IQCH: variants seen among roughly 807,000 people sequenced by gnomAD.
IQCH encodes IQ domain-containing protein H.
A neutral mutation model predicts 117.0 loss-of-function variants in IQCH; 98 were observed. The ratio of observed to expected loss-of-function variants is 0.84; its 90% CI spans 0.71 to 0.99. IQCH has a LOEUF of 0.99. Ranked by LOEUF, IQCH falls within the 50% of genes least tolerant of loss-of-function variation. The probability of loss-of-function intolerance (pLI) is 0.00; values close to 1 mark genes in which losing one functional copy is unlikely to be tolerated. For synonymous variants in IQCH, 412 were observed against 448.2 expected (o/e 0.92, Z 1.02); for missense variants, 1,102 against 1,243.8 (o/e 0.89, Z 1.72).
In IQCH at chr15:67,395,022, C is replaced by T. The variant is rs1300948970; in HGVS notation, c.1633-269C>T. ...GGCCGCCAGCCTCTTTTCCTTCTGA[C>T]AGAAGGATAATTCCACGTGGATCAA... On this transcript the variant is annotated intron_variant, in intron 12 of 20. Coordinates refer to ENST00000335894, the MANE Select transcript of IQCH (RefSeq NM_001031715.3). This position sits in a 1 kb window ranked among gnomAD's most constrained non-coding sequence, Gnocchi z 4.0. Among the ~76,000 whole-genome samples, 1 of 152,098 alleles carries T rather than the reference C, an allele frequency of 6.6e-6. No individual in the cohort carries two copies. The highest frequency in any genetic ancestry group is 2.4e-5 in the African/African-American group (1 of 41,416).
rs533603845 is a variant in IQCH at position 67,386,664 on chromosome 15, T to C, written c.1456+1645T>C. On this transcript the variant is annotated intron_variant, in intron 11 of 20. Transcript: ENST00000335894. This position sits in a 1 kb window ranked among gnomAD's most constrained non-coding sequence, Gnocchi z 5.0. ...ACTGGTAAGGCTTGTCACTAGATAT[T>C]GGCTGTGAATTCATGGTTCTCAGGT... Among the ~76,000 whole-genome samples, 22 of 152,272 alleles carry C rather than the reference T, an allele frequency of 1.4e-4. No individual in the cohort carries two copies. The highest frequency in any genetic ancestry group is 5.3e-4 in the African/African-American group (22 of 41,562).
At position 67,476,710 on chromosome 15, in the gene IQCH, CAT is replaced by C. The variant is rs539255590; in HGVS notation, c.2799+893_2799+894del. Among the ~76,000 whole-genome samples the C allele has an allele frequency of 1.0e-3, 157 of 152,270 alleles. 1 individual carries two copies. Among genetic ancestry groups the C allele is most frequent in the African/African-American group, 3.7e-3 (154 of 41,552 alleles). On this transcript the variant is annotated intron_variant, in intron 18 of 20. Coordinates refer to ENST00000335894, the MANE Select transcript of IQCH (RefSeq NM_001031715.3). This position sits in a 1 kb window ranked among gnomAD's most constrained non-coding sequence, Gnocchi z 4.1. ...AACCTCTGTTTTATGCCTAGAGACT[CAT>C]GTTACTCCAGAAAAATAGTTTCATG...
rs542685294 is a variant in IQCH at position 67,453,728 on chromosome 15, G to A, written c.2506-11399G>A. On this transcript the variant is annotated intron_variant, in intron 16 of 20. Transcript: ENST00000335894. This position sits in a 1 kb window ranked among gnomAD's most constrained non-coding sequence, Gnocchi z 5.8. ...TCTCAGATCTCAAGCTGCATGCTGG[G>A]AGAACCACTACTCTTCAAAGCTGTC... 6.6e-5 allele frequency among the ~76,000 whole-genome samples: 10 copies of A among 152,312 alleles called. No homozygotes were observed. The East Asian group carries it at 1.7e-3, about 27-fold the overall frequency.
intron 18 of IQCH, among the ~76,000 whole-genome samples, chr15:67,480,035 TGAAAGCCATATGGA>T (rs1450964948): frequency 6.6e-6 from 1 of 152,192 alleles, no homozygotes; most frequent in Non-Finnish European, 1.5e-5. Flanking sequence ...GAAGTTGTAA[TGAAAGCCATATGGA>T]GAAAGGCGTC....
rs1969891153 is a variant in IQCH, at chr15:67,356,426, T to C, written c.638-919T>C. Among the ~76,000 whole-genome samples, 1 of 152,202 alleles carries C rather than the reference T, an allele frequency of 6.6e-6. No homozygotes were observed. Among genetic ancestry groups the C allele is most frequent in the African/African-American group, 2.4e-5 (1 of 41,450 alleles). On this transcript the variant is annotated intron_variant, in intron 6 of 20. Transcript: ENST00000335894. This position sits in a 1 kb window ranked among gnomAD's most constrained non-coding sequence, Gnocchi z 5.3. ...ACTCTTTAAAAAAGAGCTGAAGATA[T>C]TCCTTGCAGCTCAGTTGAGGCAATC...
At chr15:67,272,937 A>G (rs1965963493) in intron 3 of IQCH, among the ~76,000 whole-genome samples, 1 of 152,088 alleles carries the variant, frequency 6.6e-6, no homozygotes, top group Non-Finnish European at 1.5e-5. Flanking sequence ...CTGAGTAAAG[A>G]CTTACCATTT....
chr15:67,347,652 A>G (rs1231001281), intron 6 of IQCH, among the ~76,000 whole-genome samples: 1 of 151,542 alleles, frequency 6.6e-6, no homozygotes, highest in Non-Finnish European at 1.5e-5. Context: ...GAATAGAAAG[A>G]AACACTTCCC....
intron 4 of IQCH, among the ~76,000 whole-genome samples, chr15:67,284,392 T>C (rs1339463559): frequency 6.6e-6 from 1 of 152,212 alleles, no homozygotes; most frequent in Non-Finnish European, 1.5e-5. Flanking sequence ...CTTTTGTGGC[T>C]GAATAGTACT....
chr15:67,455,061 A>G (rs2082628033), intron 16 of IQCH, among the ~76,000 whole-genome samples: 1 of 152,182 alleles, frequency 6.6e-6, no homozygotes, highest in Non-Finnish European at 1.5e-5. Context: ...ATCTTTGCCA[A>G]CACTTGTTAT....
Position 67,475,629 on chromosome 15 carries a change from C to A in IQCH, c.2677-67C>A. 6.9e-7 allele frequency: 1 copy of A among 1,452,946 alleles called. No homozygotes were observed. The highest frequency in any genetic ancestry group is 9.5e-7 in the Non-Finnish European group (1 of 1,052,676). 90.0% of individuals were successfully genotyped at this position (1,452,946 alleles called of 1,614,324 possible). On this transcript the variant is annotated intron_variant, in intron 17 of 20. Coordinates refer to ENST00000335894, the MANE Select transcript of IQCH (RefSeq NM_001031715.3). The surrounding 1 kb of genome is among the most constrained non-coding windows in gnomAD (Gnocchi z 5.7). Reference sequence around the variant, plus strand: ...TTATCTTCGCAATTTTCCTGTTAATCTCAAGTATTCCAAAATTACAAGTTT... The same window carrying A: ...TTATCTTCGCAATTTTCCTGTTAATATCAAGTATTCCAAAATTACAAGTTT...
intron 18 of IQCH, among the ~76,000 whole-genome samples, chr15:67,482,398 GT>G (rs901837675): frequency 6.6e-6 from 1 of 151,832 alleles, no homozygotes; most frequent in African/African-American, 2.4e-5. Flanking sequence ...AGATAATTTT[GT>G]TTTTTTTCTT....
intron 16 of IQCH, among the ~76,000 whole-genome samples, chr15:67,442,867 T>G (rs12916374): frequency 0.027 from 3,094 of 114,084 alleles, 46 homozygotes; most frequent in East Asian, 0.055. Context: ...TAGATAGATA[T>G]ACATATATAT....
In IQCH at chr15:67,254,935, C is replaced by T; in HGVS notation, c.39C>T (p.Ser13=). The change falls in exon 1 of 21, where the codon TCC becomes TCT. Residue 13 remains serine, a synonymous_variant. Coordinates refer to ENST00000335894, the MANE Select transcript of IQCH (RefSeq NM_001031715.3). Reference sequence around the variant, plus strand: ...CTGAAAACCACGACCCTGTCGGATCCATCTTAATCCAGGTGGGAAACGGGC... The same window carrying T: ...CTGAAAACCACGACCCTGTCGGATCTATCTTAATCCAGGTGGGAAACGGGC... The part of the protein sequence containing the change: ...QNTENHDPVG[S]ILIQIHEDLY... 2 of 1,613,708 alleles carry T rather than the reference C, an allele frequency of 1.2e-6. No individual in the cohort carries two copies. The highest frequency in any genetic ancestry group is 1.7e-4 in the Middle Eastern group (1 of 6,060).
chr15:67,269,948 G>C (rs1466445257), intron 3 of IQCH, among the ~76,000 whole-genome samples: 1 of 152,104 alleles, frequency 6.6e-6, no homozygotes, highest in Non-Finnish European at 1.5e-5. Flanking sequence ...GTAAACATGG[G>C]ACTGGAAATC....
At chr15:67,288,825 A>G (rs192007591) in intron 4 of IQCH, among the ~76,000 whole-genome samples, 1 of 152,260 alleles carries the variant, frequency 6.6e-6, no homozygotes, top group East Asian at 1.9e-4. Flanking sequence ...GGAGATAGAC[A>G]AATAAACATC....
intron 14 of IQCH, among the ~76,000 whole-genome samples, chr15:67,410,598 T>C (rs987970536): frequency 6.6e-6 from 1 of 152,230 alleles, no homozygotes; most frequent in Non-Finnish European, 1.5e-5. Context: ...CCTGAACCAA[T>C]CACTGTAGCC....
chr15:67,360,380 T>C (rs997144483), intron 8 of IQCH, among the ~76,000 whole-genome samples: 33 of 152,202 alleles, frequency 2.2e-4, no homozygotes, highest in Admixed American at 9.8e-4. Flanking sequence ...TATAAAAACA[T>C]TGGAAAAATG....
chr15:67,357,859 T>C lies in IQCH; in HGVS notation c.714+438T>C, dbSNP rs751468341. ...GGAAAGAATTCTGTATTATCATTAT[T>C]ATTATTATTATTTCAAGACAGAGTC... is the stretch of plus-strand genomic sequence containing the variant. On this transcript the variant is annotated intron_variant, in intron 7 of 20. Coordinates refer to ENST00000335894, the MANE Select transcript of IQCH (RefSeq NM_001031715.3). Among the ~76,000 whole-genome samples, 332 of 152,140 alleles carry C rather than the reference T, an allele frequency of 2.2e-3. 1 individual carries two copies. The highest frequency in any genetic ancestry group is 7.3e-3 in the Admixed American group (112 of 15,290).
chr15:67,259,260 T>G (rs1421299344), intron 1 of IQCH, among the ~76,000 whole-genome samples: 2 of 152,238 alleles, frequency 1.3e-5, no homozygotes, highest in Non-Finnish European at 2.9e-5. Flanking sequence ...AGAGGCTACA[T>G]AACTTTCCCA....
Sources: allele counts gnomAD v4.1 joint callset (sites outside exome capture counted in the v4.1 genomes callset), GRCh38; gene constraint gnomAD v4.1.1; non-coding constraint Gnocchi (gnomAD v3.1); transcripts MANE v1.5; gene names NCBI Gene and HGNC (gene_info 2026-07-23, HGNC 2026-07-21).